SAMD5: variants seen among roughly 807,000 people sequenced by gnomAD.
SAMD5 encodes sterile alpha motif domain-containing protein 5.
A neutral mutation model predicts 11.3 loss-of-function variants in SAMD5; 13 were observed. The observed-to-expected ratio is 1.15, with a 90% confidence interval of 0.75 to 1.83. The LOEUF (loss-of-function observed/expected upper bound fraction) is 1.83. Ranked by LOEUF, SAMD5 falls within the 40% of genes most tolerant of loss-of-function variation. The probability of loss-of-function intolerance (pLI) is 0.00; values close to 1 mark genes in which losing one functional copy is unlikely to be tolerated. For synonymous variants in SAMD5, 129 were observed against 111.3 expected, an observed-to-expected ratio of 1.16 and a Z score of -1.00; for missense variants, 255 against 239.1, an observed-to-expected ratio of 1.07 and a Z score of -0.44.
intron 1 of SAMD5, among the ~76,000 whole-genome samples, chr6:147,611,106 A>G (rs1583105526): frequency 6.6e-6 from 1 of 152,006 alleles, no homozygotes; most frequent in Admixed American, 6.6e-5. Flanking sequence ...TCCTGACCTC[A>G]GGTGATCCAC....
chr6:147,656,715 C>T (rs899287699), intron 1 of SAMD5, among the ~76,000 whole-genome samples: 1 of 152,144 alleles, frequency 6.6e-6, no homozygotes, highest in Non-Finnish European at 1.5e-5. Context: ...ACGATACATT[C>T]TGTTGGAGAG....
At chr6:147,914,359 T>TTG in the SAMD5 span, among the ~76,000 whole-genome samples, 1 of 152,056 alleles carries the variant, frequency 6.6e-6, no homozygotes, top group Non-Finnish European at 1.5e-5. Context: ...AACAACAAGA[T>TTG]AACCACAAGG....
chr6:147,823,664 A>G, the SAMD5 span, among the ~76,000 whole-genome samples: 1 of 152,226 alleles, frequency 6.6e-6, no homozygotes, highest in Non-Finnish European at 1.5e-5. Context: ...AAAAAAGAGA[A>G]GATAATTAGG....
At chr6:147,622,985 A>G (rs1047187150) in intron 1 of SAMD5, among the ~76,000 whole-genome samples, 3 of 152,162 alleles carry the variant, frequency 2.0e-5, no homozygotes, top group African/African-American at 7.2e-5. Flanking sequence ...GTATGGGGGA[A>G]ACAGCCCTCA....
At chr6:147,861,123 G>A in the SAMD5 span, among the ~76,000 whole-genome samples, 1 of 151,854 alleles carries the variant, frequency 6.6e-6, no homozygotes, top group Non-Finnish European at 1.5e-5. Flanking sequence ...AGTTGGTGGT[G>A]CACACAGAAA....
At chr6:147,873,938 T>C in the SAMD5 span, among the ~76,000 whole-genome samples, 1 of 152,200 alleles carries the variant, frequency 6.6e-6, no homozygotes, top group African/African-American at 2.4e-5. Context: ...AGCAAACTTA[T>C]ACATAGGAAA....
the SAMD5 span, among the ~76,000 whole-genome samples, chr6:147,872,875 C>A: frequency 6.6e-6 from 1 of 152,196 alleles, no homozygotes; most frequent in African/African-American, 2.4e-5. Context: ...TGCTCCCCAA[C>A]AAGTCCCATA....
chr6:147,698,367 CA>C (rs1223619252), intron 1 of SAMD5, among the ~76,000 whole-genome samples: 3 of 152,152 alleles, frequency 2.0e-5, no homozygotes, highest in African/African-American at 4.8e-5. Flanking sequence ...TGCCAAGCCG[CA>C]AACATTCAGC....
At chr6:147,769,719 T>G in the SAMD5 span, among the ~76,000 whole-genome samples, 1 of 152,198 alleles carries the variant, frequency 6.6e-6, no homozygotes, top group South Asian at 2.1e-4. Context: ...AAATCTCTAT[T>G]TGCAATGCTT....
chr6:147,807,280 C>G, the SAMD5 span, among the ~76,000 whole-genome samples: 2 of 151,452 alleles, frequency 1.3e-5, no homozygotes, highest in Non-Finnish European at 2.9e-5. Context: ...TTTTTTTGTA[C>G]TTTTAGTAGA....
At chr6:147,610,266 G>A (rs1037638737) in intron 1 of SAMD5, among the ~76,000 whole-genome samples, 2 of 152,134 alleles carry the variant, frequency 1.3e-5, no homozygotes, top group Admixed American at 6.5e-5. Context: ...GTCTGTTGCA[G>A]TTCCTATTAT....
chr6:147,738,492 G>A (rs1791836926), downstream of SAMD5, among the ~76,000 whole-genome samples: 1 of 152,218 alleles, frequency 6.6e-6, no homozygotes, highest in Non-Finnish European at 1.5e-5. Context: ...AAGGTTGAAA[G>A]CAAGAAAGGA....
rs368428639 is a variant in SAMD5, at chr6:147,672,492, G to A, written c.163-64825G>A. The stretch of plus-strand genomic sequence containing the variant: ...GTGTTAGATATTTTCATGTTAGTGC[G>A]TGGGGATGTACTCTATTCTTTTGAG... On this transcript the variant is annotated intron_variant, in intron 1 of 1. Transcript: ENST00000566741. 3.4e-4 allele frequency among the ~76,000 whole-genome samples: 51 copies of A among 152,180 alleles called. No individual in the cohort carries two copies. The South Asian group carries it at 5.4e-3, about 16-fold the overall frequency.
At chr6:147,892,194 G>A in the SAMD5 span, among the ~76,000 whole-genome samples, 3 of 152,010 alleles carry the variant, frequency 2.0e-5, no homozygotes, top group South Asian at 2.1e-4. Context: ...ACAATTTACT[G>A]AGCAGTTACT....
At chr6:147,819,421 A>C in the SAMD5 span, among the ~76,000 whole-genome samples, 1 of 152,308 alleles carries the variant, frequency 6.6e-6, no homozygotes, top group South Asian at 2.1e-4. Flanking sequence ...ACAAAGCTGC[A>C]CATACACCCG....
chr6:147,643,994 A>G (rs1241513840), intron 1 of SAMD5, among the ~76,000 whole-genome samples: 1 of 150,786 alleles, frequency 6.6e-6, no homozygotes, highest in Non-Finnish European at 1.5e-5. Context: ...TGTCATACAT[A>G]ATGACAAGTA....
the SAMD5 span, among the ~76,000 whole-genome samples, chr6:147,928,132 T>A: frequency 2.0e-5 from 3 of 152,168 alleles, no homozygotes; most frequent in Non-Finnish European, 4.4e-5. Flanking sequence ...GTGTTCTTTT[T>A]TTGGTTGTGT....
At chr6:147,804,905 A>G in the SAMD5 span, among the ~76,000 whole-genome samples, 1 of 152,250 alleles carries the variant, frequency 6.6e-6, no homozygotes, top group Middle Eastern at 3.2e-3. Flanking sequence ...GTGAAATGAA[A>G]AAGAAAGAAT....
the SAMD5 span, among the ~76,000 whole-genome samples, chr6:147,812,931 C>A: frequency 1.3e-5 from 2 of 152,148 alleles, no homozygotes; most frequent in Non-Finnish European, 1.5e-5. Context: ...CCTCTCATTA[C>A]CTATTAAAAT....
Sources: gnomAD v4.1 joint callset for allele counts (sites outside exome capture counted in the v4.1 genomes callset) on GRCh38, gnomAD v4.1.1 for gene constraint, MANE v1.5 for transcripts, NCBI Gene and HGNC (gene_info 2026-07-23, HGNC 2026-07-21) for gene names.